KCNMA1: variants seen among roughly 807,000 people sequenced by gnomAD.
KCNMA1 encodes Calcium-activated potassium channel subunit alpha-1.
In KCNMA1, 29 loss-of-function variants were observed where a neutral mutation model predicts 140.0. The ratio of observed to expected loss-of-function variants is 0.21; its 90% confidence interval spans 0.15 to 0.28. The LOEUF is 0.28. Among genes scored for constraint, KCNMA1 ranks in the 10% least tolerant of loss-of-function variants. The pLI, the probability that KCNMA1 is intolerant of heterozygous loss-of-function variation, is 1.00. For synonymous variants in KCNMA1, 612 were observed against 611.9 expected, an observed-to-expected ratio of 1.00 and a Z score of 0.00; for missense variants, 880 against 1,602.2, an observed-to-expected ratio of 0.55 and a Z score of 7.70.
At chr10:77,499,720 T>C (rs2043197252) in intron 1 of KCNMA1, among the ~76,000 whole-genome samples, 1 of 152,020 alleles carries the variant, frequency 6.6e-6, no homozygotes, top group Non-Finnish European at 1.5e-5. Flanking sequence ...AAGACATTAA[T>C]CAAAACAAGG....
chr10:77,098,750 C>T (rs965395422), intron 9 of KCNMA1, among the ~76,000 whole-genome samples: 16 of 152,110 alleles, frequency 1.1e-4, no homozygotes, highest in African/African-American at 3.9e-4. Context: ...CTTTCTCTCT[C>T]CTTTCCTTTC....
At chr10:76,973,849 G>C (rs538870000) in intron 19 of KCNMA1, 1 of 152,256 alleles carries the variant, frequency 6.6e-6, no homozygotes, top group South Asian at 2.1e-4. Flanking sequence ...ATGGTCCTTG[G>C]AGTGAAATGG....
intron 14 of KCNMA1, among the ~76,000 whole-genome samples, chr10:77,052,369 C>T (rs2095401104): frequency 6.6e-6 from 1 of 152,080 alleles, no homozygotes; most frequent in Admixed American, 6.5e-5. Flanking sequence ...GAAAATGGAT[C>T]ATGTGTGGGT....
rs2153974453 is a variant in KCNMA1 at position 77,127,156 on chromosome 10, G to A, written c.809-6108C>T. ...AGTGTTACTATTATTTTAAATTACT[G>A]GTGAAATGATGATGTTGACAATGAC... On this transcript the variant is annotated intron_variant, in intron 5 of 27. Transcript: ENST00000286628. Among the ~76,000 whole-genome samples, 4 of 150,002 alleles carry A rather than the reference G, an allele frequency of 2.7e-5. No individual in the cohort carries two copies. The Middle Eastern group carries it at 0.01, about 383-fold the overall frequency.
At chr10:77,050,949 A>G (rs537511034) in intron 14 of KCNMA1, among the ~76,000 whole-genome samples, 2 of 152,338 alleles carry the variant, frequency 1.3e-5, no homozygotes, top group Non-Finnish European at 2.9e-5. Flanking sequence ...AGCCTAAACA[A>G]TATTTCAGGG....
chr10:77,536,195 A>G (rs2058845559), intron 1 of KCNMA1, among the ~76,000 whole-genome samples: 1 of 152,214 alleles, frequency 6.6e-6, no homozygotes, highest in Admixed American at 6.5e-5. Context: ...AATTAAGACA[A>G]AGAAAGGAAA....
chr10:77,040,782 C>G (rs559535471), intron 14 of KCNMA1, among the ~76,000 whole-genome samples: 1 of 152,252 alleles, frequency 6.6e-6, no homozygotes, highest in Non-Finnish European at 1.5e-5. Context: ...AGGAATATCA[C>G]AAAAGGTAAA....
chr10:77,438,607 A>T (rs1388905695), intron 1 of KCNMA1, among the ~76,000 whole-genome samples: 2 of 151,824 alleles, frequency 1.3e-5, no homozygotes, highest in Non-Finnish European at 2.9e-5. Context: ...GTATTATCTC[A>T]CTACTCTATG....
chr10:76,931,882 A>G (rs1320914589), intron 23 of KCNMA1, among the ~76,000 whole-genome samples: 1 of 152,168 alleles, frequency 6.6e-6, no homozygotes, highest in Admixed American at 6.5e-5. Context: ...TTTTCTATGC[A>G]TATTTACAGA....
chr10:77,265,793 G>C (rs1423225556), intron 2 of KCNMA1, among the ~76,000 whole-genome samples: 2 of 151,788 alleles, frequency 1.3e-5, no homozygotes, highest in Non-Finnish European at 2.9e-5. Context: ...AAAATACATA[G>C]GCTTAGGCTG....
chr10:76,937,570 A>G (rs1278467682), intron 23 of KCNMA1, among the ~76,000 whole-genome samples: 1 of 152,226 alleles, frequency 6.6e-6, no homozygotes, highest in Non-Finnish European at 1.5e-5. Flanking sequence ...CCACTTTAGG[A>G]AGGCCCTTTT....
At chr10:76,941,744 G>C (rs977100417) in intron 23 of KCNMA1, among the ~76,000 whole-genome samples, 1 of 152,118 alleles carries the variant, frequency 6.6e-6, no homozygotes, top group Non-Finnish European at 1.5e-5. Flanking sequence ...GCCTTCTTCT[G>C]TCATTTGTGC....
chr10:77,236,930 C>A lies in KCNMA1; in HGVS notation c.602+14265G>T, dbSNP rs545807333. On this transcript the variant is annotated intron_variant, in intron 3 of 27. Coordinates refer to ENST00000286628, the MANE Select transcript of KCNMA1 (RefSeq NM_001161352.2). Reference sequence around the variant, plus strand: ...GAGTAGCTGGGATTATAGGTAAAAGCCACCATGCCCAGCTGTGTCATCTTT... The same window carrying A: ...GAGTAGCTGGGATTATAGGTAAAAGACACCATGCCCAGCTGTGTCATCTTT... Among the ~76,000 whole-genome samples, 59 of 152,326 alleles carry A rather than the reference C, an allele frequency of 3.9e-4. 1 individual carries two copies. Among genetic ancestry groups the A allele is most frequent in the Non-Finnish European group, 6.9e-4 (47 of 68,030 alleles).
chr10:76,891,000 C>T (rs78773795), intron 26 of KCNMA1, among the ~76,000 whole-genome samples: 5,656 of 152,300 alleles, frequency 0.037, 168 homozygotes, highest in Middle Eastern at 0.068. Flanking sequence ...GTGCCTGGGT[C>T]CTATTCACAT....
intron 2 of KCNMA1, among the ~76,000 whole-genome samples, chr10:77,386,202 T>C (rs760261713): frequency 2.0e-5 from 3 of 152,226 alleles, no homozygotes; most frequent in African/African-American, 2.4e-5. Context: ...CCTTTCCTAG[T>C]TGCATGCAGC....
intron 5 of KCNMA1, among the ~76,000 whole-genome samples, chr10:77,156,731 C>T (rs991092110): frequency 6.6e-6 from 1 of 152,210 alleles, no homozygotes; most frequent in East Asian, 1.9e-4. Flanking sequence ...TACTGTAGAA[C>T]TGAAGACTGG....
intron 1 of KCNMA1, among the ~76,000 whole-genome samples, chr10:77,490,820 G>A (rs937672533): frequency 3.3e-5 from 5 of 152,144 alleles, no homozygotes; most frequent in South Asian, 2.1e-4. Context: ...CTCCAGGACC[G>A]AAATCTCTAG....
At chr10:77,220,131 G>T (rs560138813) in intron 3 of KCNMA1, among the ~76,000 whole-genome samples, 1 of 152,210 alleles carries the variant, frequency 6.6e-6, no homozygotes, top group South Asian at 2.1e-4. Context: ...CCCTTTTTGT[G>T]TTACTATTTA....
intron 2 of KCNMA1, among the ~76,000 whole-genome samples, chr10:77,379,192 C>T (rs760459974): frequency 7.9e-5 from 12 of 152,290 alleles, no homozygotes; most frequent in Middle Eastern, 3.4e-3. Flanking sequence ...ACCTGCTTGA[C>T]GGAATTCTGA....
Sources: allele counts gnomAD v4.1 joint callset (sites outside exome capture counted in the v4.1 genomes callset), GRCh38; gene constraint gnomAD v4.1.1; transcripts MANE v1.5; gene names NCBI Gene and HGNC (gene_info 2026-07-23, HGNC 2026-07-21).